The following STK17A variants were observed in gnomAD, a reference collection of about 807,000 sequenced individuals.
STK17A encodes serine/threonine-protein kinase 17A.
A neutral mutation model predicts 43.7 loss-of-function variants in STK17A; 26 were observed. The observed-to-expected ratio is 0.60, with a 90% CI of 0.44 to 0.83. The LOEUF (loss-of-function observed/expected upper bound fraction) is 0.83, where lower values mean the gene tolerates loss of function less well. STK17A is among the 40% of genes least tolerant of loss of function. The pLI is 0.00. For synonymous variants in STK17A, 191 were observed against 182.5 expected, an observed-to-expected ratio of 1.05 and a Z score of -0.38; for missense variants, 476 against 511.6, an observed-to-expected ratio of 0.93 and a Z score of 0.67.
chr7:43,623,647 C>T, intron 5 of STK17A, 27 bp downstream of exon 5: 1 of 1,607,546 alleles, frequency 6.2e-7, no homozygotes, highest in Non-Finnish European at 8.5e-7. Flanking sequence ...AAAAATTGAT[C>T]AAATTAGTTT....
At chr7:43,607,106 A>G (rs1375450282) in intron 2 of STK17A, among the ~76,000 whole-genome samples, 1 of 151,018 alleles carries the variant, frequency 6.6e-6, no homozygotes, top group African/African-American at 2.4e-5. Flanking sequence ...TATTTTTAGT[A>G]GAGACAGGGC....
At chr7:43,586,720 G>C (rs970925714) in intron 1 of STK17A, among the ~76,000 whole-genome samples, 2 of 151,246 alleles carry the variant, frequency 1.3e-5, no homozygotes, top group Non-Finnish European at 1.5e-5. Flanking sequence ...TCATTATCTA[G>C]TCCTCAACTT....
chr7:43,610,045 A>T (rs1277583986), intron 3 of STK17A, among the ~76,000 whole-genome samples: 1 of 152,230 alleles, frequency 6.6e-6, no homozygotes, highest in Non-Finnish European at 1.5e-5. Context: ...GGGCCACTTT[A>T]AGAATTGCTA....
chr7:43,624,982 G>A lies in STK17A; in HGVS notation c.*140G>A. 1.3e-6 allele frequency: 1 copy of A among 748,812 alleles called. No homozygotes were observed. Among genetic ancestry groups the A allele is most frequent in the Non-Finnish European group, 2.0e-6 (1 of 501,458 alleles). 46.4% of individuals were successfully genotyped at this position (748,812 alleles called of 1,614,324 possible). ...AAACAAAAATAACTTTGTCAAATTT[G>A]TGGAGTTAGGTGGAAGCCAGATTTT... On this transcript the variant is annotated 3_prime_UTR_variant, in exon 7 of 7. Coordinates refer to ENST00000319357, the MANE Select transcript of STK17A (RefSeq NM_004760.3).
chr7:43,596,885 A>C (rs1238589226), intron 2 of STK17A, among the ~76,000 whole-genome samples: 2 of 143,596 alleles, frequency 1.4e-5, no homozygotes, highest in Admixed American at 1.4e-4. Flanking sequence ...AAAAAAAAAA[A>C]ACCTTAATAC....
intron 3 of STK17A, among the ~76,000 whole-genome samples, chr7:43,616,822 G>A (rs1563159726): frequency 6.6e-6 from 1 of 152,170 alleles, no homozygotes; most frequent in Non-Finnish European, 1.5e-5. Context: ...GCCTGAACCT[G>A]GGAGGTGGAG....
chr7:43,618,662 A>C (rs1311693556), intron 3 of STK17A, among the ~76,000 whole-genome samples: 1 of 152,244 alleles, frequency 6.6e-6, no homozygotes, highest in Non-Finnish European at 1.5e-5. Context: ...TTTACATTCT[A>C]GTCCATAATA....
rs11975301 is a variant in STK17A at position 43,597,165 on chromosome 7, A to G, written c.419+1052A>G. 7.1e-3 allele frequency among the ~76,000 whole-genome samples: 1,088 copies of G among 152,260 alleles called. 10 individuals carry two copies. The highest frequency in any genetic ancestry group is 0.025 in the African/African-American group (1,032 of 41,554). On this transcript the variant is annotated intron_variant, in intron 2 of 6. Coordinates refer to ENST00000319357, the MANE Select transcript of STK17A (RefSeq NM_004760.3). ...TCTTGCAAATACACACAAACACATG[A>G]ACCTCCCAGTTTACAAAGGGTTTGG... is the stretch of plus-strand genomic sequence containing the variant.
chr7:43,619,737 A>G lies in STK17A; in HGVS notation c.691+14A>G, dbSNP rs1051301291. The G allele has an allele frequency of 6.2e-7, 1 of 1,612,588 alleles. No homozygotes were observed. Among genetic ancestry groups the G allele is most frequent in the African/African-American group, 1.3e-5 (1 of 74,842 alleles). On this transcript the variant is annotated intron_variant, in intron 4 of 6. Transcript: ENST00000319357. Reference sequence around the variant, plus strand: ...CTGAATATGTGGGTAAGTATTCATAAAAGTAGTTTTGTTCTGGGGTCAGGC... The same window carrying G: ...CTGAATATGTGGGTAAGTATTCATAGAAGTAGTTTTGTTCTGGGGTCAGGC...
At position 43,583,250 on chromosome 7, in the gene STK17A, C is replaced by T; in HGVS notation, c.7C>T (p.Pro3Ser). Residue 3 changes from proline (P) to serine (S), a missense_variant, in exon 1 of 7, where the codon CCT becomes TCT. This residue lies in a region of STK17A where 320 missense variants were observed against 326.3 expected (regional missense o/e 0.98). Coordinates refer to ENST00000319357, the MANE Select transcript of STK17A (RefSeq NM_004760.3). Reference sequence around the variant, plus strand: ...AGAAGCGGGCCTGAACACCATGATCCCTTTGGAGAAGCCAGGCAGCGGCGG... The same window carrying T: ...AGAAGCGGGCCTGAACACCATGATCTCTTTGGAGAAGCCAGGCAGCGGCGG... MI[P>S]LEKPGSGGSS... The T allele has an allele frequency of 6.5e-7, 1 of 1,549,664 alleles. No homozygotes were observed. Among genetic ancestry groups the T allele is most frequent in the Non-Finnish European group, 8.7e-7 (1 of 1,150,356 alleles).
At chr7:43,611,448 A>G (rs7805969) in intron 3 of STK17A, among the ~76,000 whole-genome samples, 89,449 of 152,048 alleles carry the variant, frequency 0.59, 26,492 homozygotes, top group Non-Finnish European at 0.63. Flanking sequence ...GAAAGCAAGT[A>G]TGGACATGTG....
Position 43,612,286 on chromosome 7 carries a change from A to G in STK17A, c.564+3886A>G, listed in dbSNP as rs12671860. ...TGCAGTCAGACATGTCTCTGAGTCA[A>G]CTACTGGAGGGAGAGGATAGAGATG... On this transcript the variant is annotated intron_variant, in intron 3 of 6. Transcript: ENST00000319357. Among the ~76,000 whole-genome samples, 876 of 152,230 alleles carry G rather than the reference A, an allele frequency of 5.8e-3. 55 individuals are homozygous for G. In the East Asian group the frequency reaches 0.14, roughly 25 times the overall value.
intron 2 of STK17A, among the ~76,000 whole-genome samples, chr7:43,606,189 C>T (rs1473839350): frequency 6.6e-6 from 1 of 152,154 alleles, no homozygotes; most frequent in African/African-American, 2.4e-5. Context: ...TTGTAATTAT[C>T]TTTCTATCTC....
intron 1 of STK17A, among the ~76,000 whole-genome samples, chr7:43,591,054 C>T (rs1387303676): frequency 6.6e-6 from 1 of 151,388 alleles, no homozygotes; most frequent in African/African-American, 2.4e-5. Flanking sequence ...TGAAGGGTCC[C>T]CCTCCCATTG....
chr7:43,600,431 T>C (rs1189436507), intron 2 of STK17A, among the ~76,000 whole-genome samples: 1 of 152,200 alleles, frequency 6.6e-6, no homozygotes, highest in Non-Finnish European at 1.5e-5. Context: ...TTCTGGATCA[T>C]GGCATCTGTG....
chr7:43,609,782 C>G (rs2152974736), intron 3 of STK17A: 1 of 152,462 alleles, frequency 6.6e-6, no homozygotes, highest in African/African-American at 2.4e-5. Context: ...AAGGCCGAAG[C>G]CTCTGGACCA....
rs2084274829 is a variant in STK17A at position 43,624,517 on chromosome 7, G to A, written c.921-1G>A. On this transcript the variant is annotated splice_acceptor_variant, in intron 6 of 6. Coordinates refer to ENST00000319357, the MANE Select transcript of STK17A (RefSeq NM_004760.3). LOFTEE classifies it high-confidence loss of function. ...TAACTGTAAAACATGTATCTTTACAGAGATCGAGCCACTGCTGAAGAATGT... is the reference window on the plus strand; with the variant it reads ...TAACTGTAAAACATGTATCTTTACAAAGATCGAGCCACTGCTGAAGAATGT... 6.2e-7 allele frequency: 1 copy of A among 1,607,362 alleles called. No homozygotes were observed. Among genetic ancestry groups the A allele is most frequent in the African/African-American group, 1.3e-5 (1 of 74,482 alleles).
At chr7:43,587,166 T>TC (rs2082449089) in intron 1 of STK17A, among the ~76,000 whole-genome samples, 1 of 144,136 alleles carries the variant, frequency 6.9e-6, no homozygotes, top group Non-Finnish European at 1.6e-5. Context: ...TTTTTTTTTT[T>TC]TTTTTTGAGA....
intron 1 of STK17A, among the ~76,000 whole-genome samples, chr7:43,593,014 G>A (rs1289359189): frequency 6.6e-6 from 1 of 152,210 alleles, no homozygotes; most frequent in Non-Finnish European, 1.5e-5. Flanking sequence ...GGCTTTTAGT[G>A]TGCTCATCAC....
Sources: allele counts gnomAD v4.1 joint callset (sites outside exome capture counted in the v4.1 genomes callset), GRCh38; gene constraint gnomAD v4.1.1; regional missense constraint gnomAD v4.1.1; transcripts MANE v1.5; gene names NCBI Gene and HGNC (gene_info 2026-07-23, HGNC 2026-07-21).